The following SORCS3 variants were observed in gnomAD, a reference collection of about 807,000 sequenced individuals.
SORCS3 encodes sortilin related VPS10 domain containing receptor 3.
SORCS3 carries 57 observed loss-of-function variants against 146.3 expected under a neutral mutation model. The observed-to-expected ratio is 0.39, with a 90% CI of 0.31 to 0.49. The LOEUF (loss-of-function observed/expected upper bound fraction) is 0.49. Among genes scored for constraint, SORCS3 ranks in the 20% least tolerant of loss-of-function variants. SORCS3 has a pLI of 0.92. For missense variants in SORCS3, 1,341 were observed against 1,575.5 expected, an observed-to-expected ratio of 0.85 and a Z score of 2.52; for synonymous variants, 653 against 618.5, an observed-to-expected ratio of 1.06 and a Z score of -0.83.
intron 15 of SORCS3, among the ~76,000 whole-genome samples, chr10:105,200,374 A>G (rs969274024): frequency 3.3e-5 from 5 of 152,178 alleles, no homozygotes; most frequent in African/African-American, 1.2e-4. Context: ...TGTTGATGAT[A>G]ACCTGGGGTT....
intron 1 of SORCS3, among the ~76,000 whole-genome samples, chr10:104,644,018 C>T (rs192851530): frequency 2.0e-5 from 3 of 152,338 alleles, no homozygotes; most frequent in East Asian, 3.9e-4. Flanking sequence ...CTTCTTTGCT[C>T]ATCTTCAAAG....
At chr10:104,919,279 TG>T (rs2019062161) in intron 3 of SORCS3, among the ~76,000 whole-genome samples, 1 of 152,200 alleles carries the variant, frequency 6.6e-6, no homozygotes, top group African/African-American at 2.4e-5. Context: ...AACTCCCATC[TG>T]GGAGGCACTG....
At chr10:105,134,872 G>GT (rs1221099646) in intron 7 of SORCS3, among the ~76,000 whole-genome samples, 2 of 152,064 alleles carry the variant, frequency 1.3e-5, no homozygotes, top group Non-Finnish European at 2.9e-5. Context: ...TCTCATCTGC[G>GT]TATCATCTTA....
At chr10:105,122,031 G>A (rs1164828768) in intron 7 of SORCS3, among the ~76,000 whole-genome samples, 1 of 152,066 alleles carries the variant, frequency 6.6e-6, no homozygotes, top group Non-Finnish European at 1.5e-5. Context: ...CCACATGCCA[G>A]CAAGTCTTCC....
intron 1 of SORCS3, among the ~76,000 whole-genome samples, chr10:104,691,321 G>T (rs10736171): frequency 0.84 from 127,043 of 152,116 alleles, 54,271 homozygotes; most frequent in East Asian, 0.94. Flanking sequence ...ACAGTGGGAG[G>T]ATTGGAAGAA....
At chr10:104,828,635 A>G (rs1324208400) in intron 1 of SORCS3, among the ~76,000 whole-genome samples, 5 of 151,998 alleles carry the variant, frequency 3.3e-5, no homozygotes, top group Non-Finnish European at 7.4e-5. Flanking sequence ...CTTGCTCGAC[A>G]TGGGGTTGCC....
Position 104,641,297 on chromosome 10 carries a change from C to T in SORCS3, c.-31C>T. On this transcript the variant is annotated 5_prime_UTR_variant, in exon 1 of 27. Transcript: ENST00000369701. The surrounding 1 kb of genome is among the most constrained non-coding windows in gnomAD (Gnocchi z 6.4). The stretch of plus-strand genomic sequence containing the variant: ...CGCACCTCGGCGGGCGCCACACACT[C>T]GGCAGCCCGAGCCGCGGTAGCCGCA... The T allele has an allele frequency of 1.6e-6, 2 of 1,267,770 alleles. No individual in the cohort carries two copies. The highest frequency in any genetic ancestry group is 2.0e-6 in the Non-Finnish European group (2 of 1,009,758). The allele number at this position is 1,267,770 out of a possible 1,614,324, so 78.5% of individuals were successfully genotyped here. A position where few individuals can be genotyped will look rare whatever the true frequency, so the allele number is the denominator to read the frequency against.
intron 5 of SORCS3, among the ~76,000 whole-genome samples, chr10:105,088,181 C>T (rs1376904773): frequency 6.6e-6 from 1 of 152,168 alleles, no homozygotes; most frequent in South Asian, 2.1e-4. Flanking sequence ...CTAATTTTGG[C>T]CTAGTCCCTG....
rs1358402782 is a variant in SORCS3 at position 105,178,265 on chromosome 10, C to G, written c.2009+92C>G. The stretch of plus-strand genomic sequence containing the variant: ...TGGATTTTTCCCAGGGAACCCTACA[C>G]CAAAGTGGTCCAATCTCTGGGCCAA... On this transcript the variant is annotated intron_variant, in intron 14 of 26. Coordinates refer to ENST00000369701, the MANE Select transcript of SORCS3 (RefSeq NM_014978.3). 6 of 924,286 alleles carry G rather than the reference C, an allele frequency of 6.5e-6. No homozygotes were observed. In the East Asian group the frequency reaches 1.1e-4, roughly 16 times the overall value. The allele number at this position is 924,286 out of a possible 1,614,324, so 57.3% of individuals were successfully genotyped here.
chr10:105,125,079 A>C (rs1476790249), intron 7 of SORCS3, among the ~76,000 whole-genome samples: 1 of 152,198 alleles, frequency 6.6e-6, no homozygotes, highest in African/African-American at 2.4e-5. Context: ...GGGGTCAGGA[A>C]GGGGTGGAAG....
chr10:105,021,399 A>G (rs1291785094), intron 4 of SORCS3, among the ~76,000 whole-genome samples: 2 of 152,154 alleles, frequency 1.3e-5, no homozygotes, highest in East Asian at 1.9e-4. Flanking sequence ...CCACCTCCCA[A>G]TAATGTTGCA....
chr10:104,926,640 G>A (rs2019150731), intron 3 of SORCS3, among the ~76,000 whole-genome samples: 1 of 152,214 alleles, frequency 6.6e-6, no homozygotes, highest in Non-Finnish European at 1.5e-5. Context: ...ATCTGCCTTC[G>A]CAAGTGTGAC....
At chr10:105,034,156 G>T (rs2055289598) in intron 4 of SORCS3, among the ~76,000 whole-genome samples, 1 of 152,116 alleles carries the variant, frequency 6.6e-6, no homozygotes, top group Non-Finnish European at 1.5e-5. Flanking sequence ...AGCCGTGAGA[G>T]CAGATGACAG....
At chr10:105,186,699 A>C (rs958871637) in intron 14 of SORCS3, among the ~76,000 whole-genome samples, 4 of 151,974 alleles carry the variant, frequency 2.6e-5, no homozygotes, top group African/African-American at 9.7e-5. Flanking sequence ...CTTGACCAAC[A>C]TAGTGAAACC....
chr10:105,039,848 T>A (rs765244610), intron 4 of SORCS3, among the ~76,000 whole-genome samples: 15 of 152,148 alleles, frequency 9.9e-5, no homozygotes, highest in Non-Finnish European at 1.9e-4. Flanking sequence ...CACCAGGTCG[T>A]CCGTGATGAA....
intron 20 of SORCS3, among the ~76,000 whole-genome samples, chr10:105,226,708 C>G (rs1385527561): frequency 2.6e-5 from 4 of 151,432 alleles, no homozygotes; most frequent in Non-Finnish European, 4.4e-5. Flanking sequence ...TTTTGGGAGA[C>G]TTTTTGTTAC....
intron 17 of SORCS3, among the ~76,000 whole-genome samples, chr10:105,211,961 A>G (rs2056636732): frequency 6.6e-6 from 1 of 151,686 alleles, no homozygotes; most frequent in Non-Finnish European, 1.5e-5. Context: ...TGGTGGGGAA[A>G]TTTTTCCTTT....
At chr10:104,894,615 G>A (rs2018780904) in intron 2 of SORCS3, among the ~76,000 whole-genome samples, 1 of 152,178 alleles carries the variant, frequency 6.6e-6, no homozygotes, top group Non-Finnish European at 1.5e-5. Context: ...GGATTGTACA[G>A]AAGGAGAGAC....
chr10:105,196,535 G>A (rs758339722), intron 14 of SORCS3, among the ~76,000 whole-genome samples: 5 of 152,198 alleles, frequency 3.3e-5, no homozygotes, highest in Non-Finnish European at 5.9e-5. Flanking sequence ...GACCAGGGAG[G>A]TGGAGGTTAC....
Sources: gnomAD v4.1 joint callset for allele counts (sites outside exome capture counted in the v4.1 genomes callset) on GRCh38, gnomAD v4.1.1 for gene constraint, Gnocchi (gnomAD v3.1) non-coding constraint, MANE v1.5 for transcripts, NCBI Gene and HGNC (gene_info 2026-07-23, HGNC 2026-07-21) for gene names.